Variants in SLC44A3 observed in about 807,000 individuals in gnomAD.
SLC44A3 encodes the protein solute carrier family 44 member 3.
Under a neutral mutation model 75.4 loss-of-function variants are expected in SLC44A3, and 74 were observed. That is an observed-to-expected ratio of 0.98 (90% confidence interval 0.81 to 1.19). The LOEUF is 1.19. Ranked by LOEUF, SLC44A3 falls within the 50% of genes most tolerant of loss-of-function variation. SLC44A3 has a pLI of 0.00. For synonymous variants in SLC44A3, 310 were observed against 296.9 expected, an observed-to-expected ratio of 1.04 and a Z score of -0.45; for missense variants, 700 against 778.6, an observed-to-expected ratio of 0.90 and a Z score of 1.20.
intron 10 of SLC44A3, among the ~76,000 whole-genome samples, chr1:94,858,818 A>G (rs1666225364): frequency 6.6e-6 from 1 of 152,086 alleles, no homozygotes; most frequent in African/African-American, 2.4e-5. Context: ...CAGTCTCCCG[A>G]GTAGCTGGGA....
In SLC44A3 at chr1:94,888,652, T is replaced by TTTG; in HGVS notation, c.1483-2477_1483-2476insTGT. 6.1e-6 allele frequency: 6 copies of TTTG among 985,052 alleles called. No individual in the cohort carries two copies. The African/African-American group carries it at 1.0e-4, about 17-fold the overall frequency. 61.0% of individuals were successfully genotyped at this position (985,052 alleles called of 1,614,324 possible). ...CCTTGTGGAACTTTCTTTTTTTTTT[T>TTTG]TGCAGGAAATTCATCTGACGTCTCA... On this transcript the variant is annotated intron_variant, in intron 12 of 14. Transcript: ENST00000271227.
intron 12 of SLC44A3, among the ~76,000 whole-genome samples, chr1:94,883,483 G>T (rs954975708): frequency 8.5e-5 from 13 of 152,272 alleles, no homozygotes; most frequent in African/African-American, 2.4e-4. Flanking sequence ...TCCAGCCTGG[G>T]TGTCAGAGTG....
intron 11 of SLC44A3, among the ~76,000 whole-genome samples, chr1:94,865,612 C>T (rs921856316): frequency 1.3e-5 from 2 of 152,150 alleles, no homozygotes; most frequent in African/African-American, 4.8e-5. Flanking sequence ...AGGAAAACAG[C>T]TGTTCTCATG....
In SLC44A3 at chr1:94,842,065, A is replaced by C. The variant is rs1472642177; in HGVS notation, c.826A>C (p.Thr276Pro). Residue 276 changes from threonine to proline, a missense_variant, in exon 8 of 15, where the codon ACA becomes CCA. Thr to Pro is a conservative substitution (Grantham distance 38, BLOSUM62 -1). Transcript: ENST00000271227. ...CAACGACCTCAGCATAGAATTGGAC[A>C]CAGAAAGGGAAAATATGAAGTGCGT... is the stretch of plus-strand genomic sequence containing the variant. ...YTNDLSIELD[T>P]ERENMKCVLG... is the part of the protein sequence containing the mutation. The C allele has an allele frequency of 1.2e-6, 2 of 1,613,640 alleles. No homozygotes were observed. Among genetic ancestry groups the C allele is most frequent in the Non-Finnish European group, 1.7e-6 (2 of 1,179,858 alleles).
intron 13 of SLC44A3, among the ~76,000 whole-genome samples, 153 bp downstream of exon 13, chr1:94,891,420 C>T (rs565000357): frequency 6.6e-6 from 1 of 152,148 alleles, no homozygotes; most frequent in African/African-American, 2.4e-5. Context: ...CATGAGGTAT[C>T]CCTACTTTGC....
intron 8 of SLC44A3, among the ~76,000 whole-genome samples, chr1:94,843,878 T>TGGGG: frequency 3.5e-5 from 1 of 28,710 alleles, no homozygotes; most frequent in Middle Eastern, 0.024. Flanking sequence ...TGGGGCGGGG[T>TGGGG]GGGGGGGGTG....
intron 2 of SLC44A3, among the ~76,000 whole-genome samples, chr1:94,822,110 G>A (rs1378505076): frequency 6.6e-6 from 1 of 152,138 alleles, no homozygotes; most frequent in Non-Finnish European, 1.5e-5. Context: ...GGGAGCAGCT[G>A]GCCTGCCTTG....
chr1:94,879,663 C>A (rs1336756380), intron 12 of SLC44A3, among the ~76,000 whole-genome samples: 6 of 150,622 alleles, frequency 4.0e-5, no homozygotes, highest in Admixed American at 2.6e-4. Context: ...CACGGTGAAA[C>A]CCCGTCTCTA....
At chr1:94,878,155 A>G (rs1668517745) in intron 12 of SLC44A3, among the ~76,000 whole-genome samples, 1 of 151,620 alleles carries the variant, frequency 6.6e-6, no homozygotes, top group Non-Finnish European at 1.5e-5. Flanking sequence ...AATGGCGTGA[A>G]CCCCAGGGGG....
intron 12 of SLC44A3, among the ~76,000 whole-genome samples, chr1:94,887,971 A>G (rs960780219): frequency 6.6e-6 from 1 of 152,202 alleles, no homozygotes; most frequent in Non-Finnish European, 1.5e-5. Flanking sequence ...AAATGAGATC[A>G]TCTTTGGTGA....
rs145559405 is a variant in SLC44A3, at chr1:94,827,367, T to A, written c.279-140T>A. On this transcript the variant is annotated intron_variant, in intron 3 of 14. Transcript: ENST00000271227. ...GACCACCAGTAGGCATCATAAATGT[T>A]CAATTATGCTGAAACAATTATGAAA... 3,949 of 1,077,284 alleles carry A rather than the reference T, an allele frequency of 3.7e-3. 17 individuals are homozygous for A. The highest frequency in any genetic ancestry group is 3.6e-3 in the Non-Finnish European group (2,683 of 736,704). 66.7% of individuals were successfully genotyped at this position (1,077,284 alleles called of 1,614,324 possible).
Position 94,824,531 on chromosome 1 carries a change from G to T in SLC44A3, c.174G>T (p.Ala58=). Residue 58 remains alanine (A), a synonymous_variant, in exon 3 of 15, where the codon GCG becomes GCT. Coordinates refer to ENST00000271227, the MANE Select transcript of SLC44A3 (RefSeq NM_001114106.3). ...GCTACTCGGTGGTGGCTGGAGCCGCGGGAAGACTCCTCTTTGGCTATGACA... is the reference window on the plus strand; with the variant it reads ...GCTACTCGGTGGTGGCTGGAGCCGCTGGAAGACTCCTCTTTGGCTATGACA... ...IMGYSVVAGA[A]GRLLFGYDSF... is the part of the protein sequence containing the mutation. 6.2e-7 allele frequency: 1 copy of T among 1,610,554 alleles called. No individual in the cohort carries two copies. Among genetic ancestry groups the T allele is most frequent in the Non-Finnish European group, 8.5e-7 (1 of 1,179,142 alleles).
At chr1:94,873,834 T>A (rs1334403068) in intron 12 of SLC44A3, among the ~76,000 whole-genome samples, 1 of 152,226 alleles carries the variant, frequency 6.6e-6, no homozygotes, top group Non-Finnish European at 1.5e-5. Context: ...GTACAGTTTA[T>A]CTCACTAGAT....
chr1:94,840,159 T>C (rs1398647279), intron 7 of SLC44A3, 122 bp downstream of exon 7: 2 of 798,186 alleles, frequency 2.5e-6, no homozygotes, highest in Non-Finnish European at 4.1e-6. Flanking sequence ...TCTAGCCCTG[T>C]CACTTTACAA....
intron 9 of SLC44A3, among the ~76,000 whole-genome samples, chr1:94,849,742 GTTTGTTTTTGTGT>G (rs1056626907): frequency 2.0e-5 from 3 of 152,100 alleles, no homozygotes; most frequent in Admixed American, 1.3e-4. Context: ...ATAGTTGTTT[GTTTGTTTTTGTGT>G]TTTGTTTTTT....
At chr1:94,839,020 G>A (rs77112086) in intron 6 of SLC44A3, 15 of 152,350 alleles carry the variant, frequency 9.8e-5, no homozygotes, top group African/African-American at 3.6e-4. Context: ...GAGAGGTTTA[G>A]GACTTGGCCA....
At chr1:94,827,432 A>C (rs1661519234) in intron 3 of SLC44A3, 75 bp from the exon 4 acceptor site, 49 of 1,574,438 alleles carry the variant, frequency 3.1e-5, no homozygotes, top group South Asian at 1.1e-5. Flanking sequence ...GCATGTGGAT[A>C]TTTTTTAAGG....
chr1:94,842,603 G>T (rs1332334562), intron 8 of SLC44A3, among the ~76,000 whole-genome samples: 1 of 152,216 alleles, frequency 6.6e-6, no homozygotes, highest in African/African-American at 2.4e-5. Flanking sequence ...CTGAAAACAG[G>T]CTGACTTAGA....
At chr1:94,833,504 T>A (rs540034793) in intron 5 of SLC44A3, among the ~76,000 whole-genome samples, 2 of 152,292 alleles carry the variant, frequency 1.3e-5, no homozygotes, top group South Asian at 4.1e-4. Context: ...ACCCCATCAC[T>A]GGGACTTGTG....
Sources: allele counts gnomAD v4.1 joint callset (sites outside exome capture counted in the v4.1 genomes callset), GRCh38; gene constraint gnomAD v4.1.1; transcripts MANE v1.5; gene names NCBI Gene and HGNC (gene_info 2026-07-23, HGNC 2026-07-21).